The following PLCE1 variants were observed in gnomAD, a reference collection of about 807,000 sequenced individuals.
PLCE1 encodes phospholipase C epsilon 1, also known as 1-phosphatidylinositol 4,5-bisphosphate phosphodiesterase epsilon-1.
In PLCE1, 119 loss-of-function variants were observed where a neutral mutation model predicts 242.8. The observed-to-expected ratio is 0.49, with a 90% CI of 0.42 to 0.57. PLCE1 has a LOEUF of 0.57. Ranked by LOEUF, PLCE1 falls within the 20% of genes least tolerant of loss-of-function variation. The probability of loss-of-function intolerance (pLI) is 0.00; values close to 1 mark genes in which losing one functional copy is unlikely to be tolerated. For missense variants in PLCE1, 2,441 were observed against 2,788.8 expected, an observed-to-expected ratio of 0.88 and a Z score of 2.81; for synonymous variants, 945 against 1,017.4, an observed-to-expected ratio of 0.93 and a Z score of 1.35.
intron 4 of PLCE1, among the ~76,000 whole-genome samples, chr10:94,220,015 C>T (rs966656579): frequency 5.3e-5 from 8 of 151,898 alleles, no homozygotes; most frequent in Admixed American, 2.6e-4. Flanking sequence ...GCAAGGAGTT[C>T]AAGAGACTCT....
At chr10:94,313,458 T>C in intron 28 of PLCE1, 76 bp downstream of exon 28, 1 of 1,530,502 alleles carries the variant, frequency 6.5e-7, no homozygotes, top group South Asian at 1.1e-5. Context: ...TAAATGCCTG[T>C]GTGTAAACAT....
At chr10:94,262,784 A>G (rs199554363) in intron 14 of PLCE1, 52 bp downstream of exon 14, 38 of 1,137,788 alleles carry the variant, frequency 3.3e-5, no homozygotes, top group Admixed American at 1.2e-4. Context: ...TGGCTATTCT[A>G]ATAATTTGCT....
Position 94,265,816 on chromosome 10 carries a change from T to C in PLCE1, c.4139T>C (p.Phe1380Ser). ...FARFLMDKEN[F>S]ASKNDESQEN... ...AGGTTTCTGATGGATAAAGAAAATT[T>C]TGCCTCAAAAAATGATGAGTCACAG... The change falls in exon 16 of 33, where the codon TTT becomes TCT. Residue 1380 changes from phenylalanine (F) to serine (S), a missense_variant. Transcript: ENST00000371380. The C allele has an allele frequency of 4.3e-6, 7 of 1,614,060 alleles. No homozygotes were observed. The highest frequency in any genetic ancestry group is 5.9e-6 in the Non-Finnish European group (7 of 1,179,980).
At chr10:94,241,892 C>T (rs2050518004) in intron 7 of PLCE1, among the ~76,000 whole-genome samples, 1 of 152,026 alleles carries the variant, frequency 6.6e-6, no homozygotes, top group African/African-American at 2.4e-5. Context: ...AATTGGTCTT[C>T]CTATATTTAA....
intron 3 of PLCE1, among the ~76,000 whole-genome samples, chr10:94,165,833 G>A (rs991698652): frequency 4.6e-5 from 7 of 151,760 alleles, no homozygotes; most frequent in African/African-American, 1.7e-4. Flanking sequence ...TCAGTCTCCC[G>A]AGTAGCTGGG....
chr10:94,245,847 A>C (rs2050660230), intron 7 of PLCE1, 99 bp from the exon 8 acceptor site: 1 of 923,574 alleles, frequency 1.1e-6, no homozygotes, highest in Admixed American at 1.7e-5. Flanking sequence ...ATTTGAATTC[A>C]TAGTGCGATG....
chr10:94,149,105 A>G (rs1369271709), intron 3 of PLCE1, among the ~76,000 whole-genome samples: 3 of 152,208 alleles, frequency 2.0e-5, no homozygotes, highest in Non-Finnish European at 4.4e-5. Context: ...TGAAAATTAG[A>G]GTCAGTTAAG....
chr10:94,124,302 C>T (rs556086474), intron 2 of PLCE1, among the ~76,000 whole-genome samples: 5 of 149,546 alleles, frequency 3.3e-5, no homozygotes, highest in African/African-American at 1.2e-4. Context: ...CACTTGAGCC[C>T]AAGAGGTCAA....
chr10:94,142,943 A>T (rs1302215598), intron 3 of PLCE1, among the ~76,000 whole-genome samples: 1 of 152,240 alleles, frequency 6.6e-6, no homozygotes, highest in Non-Finnish European at 1.5e-5. Flanking sequence ...TGTGCCAAGG[A>T]TATAACAGCA....
Position 94,298,311 on chromosome 10 carries a change from A to G in PLCE1, c.5168-68A>G. 7.2e-7 allele frequency: 1 copy of G among 1,388,364 alleles called. No homozygotes were observed. The highest frequency in any genetic ancestry group is 1.0e-6 in the Non-Finnish European group (1 of 976,742). 86.0% of individuals were successfully genotyped at this position (1,388,364 alleles called of 1,614,324 possible). A position where few individuals can be genotyped will look rare whatever the true frequency, so the allele number is the denominator to read the frequency against. Reference sequence around the variant, plus strand: ...ATGACTGTTTACTGGGATGTTGTTCAGGTTTATCTTTCTAAAATATTTAAA... The same window carrying G: ...ATGACTGTTTACTGGGATGTTGTTCGGGTTTATCTTTCTAAAATATTTAAA... On this transcript the variant is annotated intron_variant, in intron 23 of 32. Transcript: ENST00000371380. This position sits in a 1 kb window ranked among gnomAD's most constrained non-coding sequence, Gnocchi z 5.2.
chr10:94,255,434 T>C (rs1427424079), intron 11 of PLCE1, among the ~76,000 whole-genome samples: 1 of 152,224 alleles, frequency 6.6e-6, no homozygotes, highest in Non-Finnish European at 1.5e-5. Flanking sequence ...AAGAAGCTGA[T>C]GGTTATTATC....
At chr10:94,280,370 T>A (rs1048732866) in intron 20 of PLCE1, 4 of 171,312 alleles carry the variant, frequency 2.3e-5, no homozygotes, top group African/African-American at 9.6e-5. Flanking sequence ...TCATTTCCCC[T>A]CCCTCCCTGG....
intron 3 of PLCE1, among the ~76,000 whole-genome samples, chr10:94,148,624 T>A (rs1270798933): frequency 6.6e-6 from 1 of 151,980 alleles, no homozygotes; most frequent in Non-Finnish European, 1.5e-5. Context: ...CATGAGAAAG[T>A]TGGAATTTTT....
intron 2 of PLCE1, among the ~76,000 whole-genome samples, chr10:94,071,495 G>GTTTTTTTTTTTGTTTTTTTT (rs2044352848): frequency 3.6e-5 from 3 of 83,316 alleles, no homozygotes; most frequent in African/African-American, 1.6e-4. Context: ...TTTGGTTTTC[G>GTTTTTTTTTTTGTTTTTTTT]TTTTTTTTTT....
intron 1 of PLCE1, among the ~76,000 whole-genome samples, chr10:94,023,520 A>C (rs988487264): frequency 2.0e-5 from 3 of 151,844 alleles, no homozygotes; most frequent in Non-Finnish European, 4.4e-5. Flanking sequence ...ATCCACTTCC[A>C]CTCTTGGCTT....
chr10:94,003,846 G>T (rs1177653371), intron 1 of PLCE1, among the ~76,000 whole-genome samples: 1 of 152,092 alleles, frequency 6.6e-6, no homozygotes, highest in African/African-American at 2.4e-5. Context: ...AAAATGAAAT[G>T]CCTTTTAAAA....
At chr10:94,188,351 G>A (rs1202444841) in intron 4 of PLCE1, among the ~76,000 whole-genome samples, 1 of 152,064 alleles carries the variant, frequency 6.6e-6, no homozygotes, top group Non-Finnish European at 1.5e-5. Flanking sequence ...CCAATCTTAG[G>A]GAAAAAATTT....
intron 19 of PLCE1, among the ~76,000 whole-genome samples, chr10:94,276,321 GCCAC>G (rs947325148): frequency 6.6e-6 from 1 of 152,132 alleles, no homozygotes; most frequent in African/African-American, 2.4e-5. Flanking sequence ...CTTTCTCAAG[GCCAC>G]CCAGCTCATA....
rs1224420602 is a variant in PLCE1 at position 94,236,076 on chromosome 10, A to G, written c.2376A>G (p.Gly792=). Residue 792 remains glycine (G), a synonymous_variant, in exon 7 of 33, where the codon GGA becomes GGG. Transcript: ENST00000371380. The stretch of plus-strand genomic sequence containing the variant: ...ACGAGGAGGACAGCCCCAGTGAAGG[A>G]AACAGCTCCAGGAAAAGCTCCTTGA... ...ETDEEDSPSE[G]NSSRKSSLKD... 4 of 1,614,026 alleles carry G rather than the reference A, an allele frequency of 2.5e-6. No homozygotes were observed. In the Admixed American group the frequency reaches 5.0e-5, roughly 20 times the overall value.
Sources: gnomAD v4.1 joint callset for allele counts (sites outside exome capture counted in the v4.1 genomes callset) on GRCh38, gnomAD v4.1.1 for gene constraint, Gnocchi (gnomAD v3.1) non-coding constraint, MANE v1.5 for transcripts, NCBI Gene and HGNC (gene_info 2026-07-23, HGNC 2026-07-21) for gene names.